STK3: variants seen among roughly 807,000 people sequenced by gnomAD.
STK3 encodes the protein serine/threonine-protein kinase 3.
In STK3, 41 loss-of-function variants were observed where a neutral mutation model predicts 58.0. The observed-to-expected ratio is 0.71, with a 90% CI of 0.55 to 0.92. The LOEUF (loss-of-function observed/expected upper bound fraction) is 0.92. Among genes scored for constraint, STK3 ranks in the 40% least tolerant of loss-of-function variants. The pLI is 0.00. For missense variants in STK3, 479 were observed against 602.7 expected, an observed-to-expected ratio of 0.79 and a Z score of 2.15; for synonymous variants, 170 against 191.0, an observed-to-expected ratio of 0.89 and a Z score of 0.91.
intron 4 of STK3, chr8:98,722,923 C>T: frequency 2.0e-6 from 1 of 500,350 alleles, no homozygotes; most frequent in Admixed American, 2.1e-5. Context: ...TAGATCCATT[C>T]TCAAATCACA....
At chr8:98,901,020 A>G (rs1838637899) in intron 1 of STK3, among the ~76,000 whole-genome samples, 1 of 152,232 alleles carries the variant, frequency 6.6e-6, no homozygotes, top group African/African-American at 2.4e-5. Flanking sequence ...TATCATAAAT[A>G]ATATGAATAC....
chr8:98,360,774 T>C, the STK3 span, among the ~76,000 whole-genome samples: 1 of 152,216 alleles, frequency 6.6e-6, no homozygotes, highest in African/African-American at 2.4e-5. Flanking sequence ...AGTAAAGTAG[T>C]CAAGGCTAGT....
chr8:98,681,954 G>A (rs771189668), intron 6 of STK3, among the ~76,000 whole-genome samples: 7 of 152,196 alleles, frequency 4.6e-5, no homozygotes, highest in African/African-American at 1.4e-4. Flanking sequence ...CAGTGCCAAC[G>A]GGCCTACAGC....
intron 4 of STK3, among the ~76,000 whole-genome samples, chr8:98,725,918 G>A (rs2131214774): frequency 6.6e-6 from 1 of 152,222 alleles, no homozygotes; most frequent in South Asian, 2.1e-4. Flanking sequence ...AAGCTGAGAG[G>A]AGTTACACAA....
intron 6 of STK3, among the ~76,000 whole-genome samples, chr8:98,649,288 C>A (rs1820678557): frequency 6.6e-6 from 1 of 152,048 alleles, no homozygotes; most frequent in Non-Finnish European, 1.5e-5. Context: ...TCCCAACCTA[C>A]CGCTTATCTA....
chr8:98,614,651 C>A (rs373253575), intron 6 of STK3, among the ~76,000 whole-genome samples: 3 of 152,160 alleles, frequency 2.0e-5, no homozygotes, highest in African/African-American at 4.8e-5. Context: ...ACCTGGGAAG[C>A]GCAAGGGGTC....
intron 1 of STK3, among the ~76,000 whole-genome samples, chr8:98,930,411 C>T (rs534269160): frequency 3.3e-4 from 50 of 152,332 alleles, no homozygotes; most frequent in Non-Finnish European, 7.3e-5. Flanking sequence ...TTCCCTGTTC[C>T]ATGCAGAGTG....
At chr8:98,468,772 T>C (rs1820677496) in intron 10 of STK3, among the ~76,000 whole-genome samples, 1 of 152,202 alleles carries the variant, frequency 6.6e-6, no homozygotes, top group South Asian at 2.1e-4. Context: ...TTGTGGGTTA[T>C]GTCAGCATTT....
intron 6 of STK3, among the ~76,000 whole-genome samples, chr8:98,688,296 A>G (rs535793126): frequency 6.6e-6 from 1 of 152,332 alleles, no homozygotes; most frequent in South Asian, 2.1e-4. Context: ...ACCTAAGAAA[A>G]GATGTTGACA....
At chr8:98,705,039 T>C (rs946644056) in intron 6 of STK3, among the ~76,000 whole-genome samples, 5 of 152,242 alleles carry the variant, frequency 3.3e-5, no homozygotes, top group Non-Finnish European at 5.9e-5. Context: ...TTTTTCAAGT[T>C]ATTTTCAAAC....
chr8:98,579,547 T>C (rs1294834247), intron 8 of STK3, 117 bp downstream of exon 8: 9 of 1,269,964 alleles, frequency 7.1e-6, no homozygotes, highest in Admixed American at 2.6e-5. Context: ...TGAGATTCAA[T>C]GAAAAAACAT....
chr8:98,477,717 T>C (rs868145677), intron 10 of STK3, among the ~76,000 whole-genome samples: 6 of 6,046 alleles, frequency 9.9e-4, no homozygotes, highest in Non-Finnish European at 1.1e-3. Context: ...GGGGGGGGGG[T>C]GGGCGGGGGG....
At chr8:98,938,690 G>A (rs1217303724) in intron 1 of STK3, among the ~76,000 whole-genome samples, 1 of 152,092 alleles carries the variant, frequency 6.6e-6, no homozygotes, top group East Asian at 1.9e-4. Flanking sequence ...TGGCCCACCC[G>A]TGGTCCCTCG....
At chr8:98,456,543 GC>G (rs1325786497) in intron 10 of STK3, among the ~76,000 whole-genome samples, 1 of 152,220 alleles carries the variant, frequency 6.6e-6, no homozygotes, top group East Asian at 1.9e-4. Flanking sequence ...GCCTGGTGGG[GC>G]CCCAAAAGCA....
chr8:98,937,542 C>T (rs1227294544), intron 1 of STK3, among the ~76,000 whole-genome samples: 2 of 152,192 alleles, frequency 1.3e-5, no homozygotes, highest in Non-Finnish European at 2.9e-5. Context: ...CAAGGGGATC[C>T]AACCTTAAAA....
intron 4 of STK3, among the ~76,000 whole-genome samples, chr8:98,712,866 T>C (rs1478798148): frequency 6.6e-6 from 1 of 152,134 alleles, no homozygotes; most frequent in Admixed American, 6.6e-5. Flanking sequence ...TATTACAAAA[T>C]TGACCACATA....
At chr8:98,450,177 C>A (rs1819137822), downstream of STK3, among the ~76,000 whole-genome samples, 3 of 152,158 alleles carry the variant, frequency 2.0e-5, no homozygotes, top group South Asian at 6.2e-4. Context: ...TGCAAATCAC[C>A]ACCAGAGAGT....
intron 8 of STK3, among the ~76,000 whole-genome samples, chr8:98,561,678 T>C (rs948926964): frequency 4.0e-5 from 6 of 151,742 alleles, no homozygotes; most frequent in African/African-American, 1.5e-4. Flanking sequence ...AGGCAAAAAC[T>C]AAAAACTAGA....
At chr8:98,344,578 C>T in the STK3 span, among the ~76,000 whole-genome samples, 1 of 152,054 alleles carries the variant, frequency 6.6e-6, no homozygotes, top group Admixed American at 6.6e-5. Flanking sequence ...ATGGCTGGAG[C>T]ACAGGAGCCA....
Sources: gnomAD v4.1 joint callset for allele counts (sites outside exome capture counted in the v4.1 genomes callset) on GRCh38, gnomAD v4.1.1 for gene constraint, MANE v1.5 for transcripts, NCBI Gene and HGNC (gene_info 2026-07-23, HGNC 2026-07-21) for gene names.